CUBN: variants seen among roughly 807,000 people sequenced by gnomAD.
CUBN encodes the protein cubilin.
CUBN carries 282 observed loss-of-function variants against 405.3 expected under a neutral mutation model. That is an observed-to-expected ratio of 0.70 (90% CI 0.63 to 0.77). The LOEUF is 0.77. Ranked by LOEUF, CUBN falls within the 30% of genes least tolerant of loss-of-function variation. The probability of loss-of-function intolerance (pLI) is 0.00; values close to 1 mark genes in which losing one functional copy is unlikely to be tolerated. For missense variants in CUBN, 4,514 were observed against 4,475.2 expected, an observed-to-expected ratio of 1.01 and a Z score of -0.25; for synonymous variants, 1,684 against 1,617.0, an observed-to-expected ratio of 1.04 and a Z score of -0.99.
At chr10:16,973,238 G>A (rs1229145412) in intron 31 of CUBN, among the ~76,000 whole-genome samples, 1 of 151,936 alleles carries the variant, frequency 6.6e-6, no homozygotes, top group Non-Finnish European at 1.5e-5. Context: ...GCCTCCCCTC[G>A]TGGCCTCACT....
intron 41 of CUBN, among the ~76,000 whole-genome samples, chr10:16,927,002 T>A (rs969189253): frequency 6.6e-6 from 1 of 151,950 alleles, no homozygotes; most frequent in African/African-American, 2.4e-5. Context: ...CTTCTGAGTC[T>A]CCAAAGTCCA....
rs1436462922 is a variant in CUBN, at chr10:16,908,994, T to C, written c.7534-1315A>G. On this transcript the variant is annotated intron_variant, in intron 48 of 66. Transcript: ENST00000377833. ...GCTTCCCGGGTTCACGCCATTCTCC[T>C]GCCTCAGCCTCCCGAGTAGCTGGGA... Among the ~76,000 whole-genome samples the C allele has an allele frequency of 2.0e-5, 3 of 150,232 alleles. No homozygotes were observed. The East Asian group carries it at 6.0e-4, about 30-fold the overall frequency.
chr10:16,880,499 G>A lies in CUBN; in HGVS notation c.8906-3402C>T, dbSNP rs114667811. ...TTGTGCAGCAATCAGCAAAAAGAGC[G>A]GGGAAGAGAGAGCATGCTGACAGAT... On this transcript the variant is annotated intron_variant, in intron 56 of 66. Transcript: ENST00000377833. Among the ~76,000 whole-genome samples the A allele has an allele frequency of 5.6e-3, 859 of 152,320 alleles. 11 individuals are homozygous for A. Among genetic ancestry groups the A allele is most frequent in the African/African-American group, 0.02 (822 of 41,562 alleles).
chr10:17,005,001 C>T (rs1226047323), intron 28 of CUBN, among the ~76,000 whole-genome samples: 1 of 152,124 alleles, frequency 6.6e-6, no homozygotes, highest in Non-Finnish European at 1.5e-5. Context: ...TACTCATTTC[C>T]TTTCTCCCTG....
chr10:17,115,666 A>G (rs1836877116), intron 6 of CUBN, 69 bp from the exon 7 acceptor site: 2 of 1,540,568 alleles, frequency 1.3e-6, no homozygotes, highest in South Asian at 2.2e-5. Flanking sequence ...CTTAATATCA[A>G]TGAGAAAAAT....
chr10:16,968,985 T>G (rs1843476832), intron 31 of CUBN, among the ~76,000 whole-genome samples: 2 of 152,242 alleles, frequency 1.3e-5, no homozygotes, highest in Non-Finnish European at 2.9e-5. Context: ...GCTTCCTGAT[T>G]AGCTCCCCTC....
chr10:17,056,733 C>A (rs1835405069), intron 22 of CUBN, among the ~76,000 whole-genome samples: 1 of 152,130 alleles, frequency 6.6e-6, no homozygotes, highest in African/African-American at 2.4e-5. Context: ...TATTGAACTT[C>A]TGTTCTTCAA....
intron 28 of CUBN, among the ~76,000 whole-genome samples, chr10:17,007,363 C>T (rs1358453636): frequency 6.6e-6 from 1 of 152,154 alleles, no homozygotes; most frequent in Non-Finnish European, 1.5e-5. Flanking sequence ...TACTTTGTCT[C>T]ATGTCTGCAT....
intron 50 of CUBN, among the ~76,000 whole-genome samples, chr10:16,905,056 C>T (rs1841518845): frequency 2.0e-5 from 3 of 152,186 alleles, no homozygotes; most frequent in African/African-American, 7.2e-5. Flanking sequence ...TAACATTGAC[C>T]TCTCAGTTTC....
At chr10:17,068,514 T>G (rs1835663687) in intron 20 of CUBN, 91 bp downstream of exon 20, 1 of 1,206,322 alleles carries the variant, frequency 8.3e-7, no homozygotes. Flanking sequence ...TTTTTCACAG[T>G]ACAGATGATT....
At position 16,984,256 on chromosome 10, in the gene CUBN, G is replaced by C. The variant is rs1253294282; in HGVS notation, c.4374C>G (p.His1458Gln). The C allele has an allele frequency of 6.2e-7, 1 of 1,614,026 alleles. No individual in the cohort carries two copies. Among genetic ancestry groups the C allele is most frequent in the Non-Finnish European group, 8.5e-7 (1 of 1,180,016 alleles). The change falls in exon 30 of 67, where the codon CAC becomes CAG. Residue 1458 changes from histidine to glutamine, a missense_variant. By Grantham distance (24) the His-to-Gln change is conservative. Transcript: ENST00000377833. ...VLEIYGGPDF[H>Q]SPRIAQLCTQ... Reference sequence around the variant, plus strand: ...TACACAGTTGGGCTATTCTGGGAGAGTGGAAATCGGGGCCTCCATAGATCT... The same window carrying C: ...TACACAGTTGGGCTATTCTGGGAGACTGGAAATCGGGGCCTCCATAGATCT...
intron 27 of CUBN, among the ~76,000 whole-genome samples, chr10:17,025,404 G>C (rs1834632383): frequency 6.6e-6 from 1 of 152,154 alleles, no homozygotes; most frequent in Non-Finnish European, 1.5e-5. Flanking sequence ...CTAAAATTTA[G>C]AGAACACAAT....
rs117276197 is a variant in CUBN, at chr10:16,947,621, G to A, written c.5210-254C>T. 1.2e-3 allele frequency among the ~76,000 whole-genome samples: 186 copies of A among 152,200 alleles called. 7 individuals carry two copies. In the East Asian group the frequency reaches 0.029, roughly 24 times the overall value. The stretch of plus-strand genomic sequence containing the variant: ...CTCAAAGCCGTTTCTTCCTGTGAAC[G>A]GTAACTTTGAAGAATAAAAGACTTG... On this transcript the variant is annotated intron_variant, in intron 35 of 66. Transcript: ENST00000377833.
intron 35 of CUBN, 108 bp downstream of exon 35, chr10:16,948,370 T>C: frequency 6.9e-7 from 1 of 1,457,448 alleles, no homozygotes; most frequent in East Asian, 2.3e-5. Context: ...CCAGAGGTGA[T>C]CTCAGGAAAC....
At chr10:16,994,367 T>C (rs1833673957) in intron 28 of CUBN, among the ~76,000 whole-genome samples, 1 of 152,224 alleles carries the variant, frequency 6.6e-6, no homozygotes, top group South Asian at 2.1e-4. Flanking sequence ...TCTCCTTCAG[T>C]TTACTAAGAG....
intron 31 of CUBN, among the ~76,000 whole-genome samples, chr10:16,962,373 G>A (rs1259835317): frequency 6.6e-6 from 1 of 151,944 alleles, no homozygotes; most frequent in Non-Finnish European, 1.5e-5. Context: ...AAGGGGTGGG[G>A]TGGGGGTTGT....
chr10:16,890,237 T>G, intron 55 of CUBN, 134 bp downstream of exon 55: 2 of 804,842 alleles, frequency 2.5e-6, no homozygotes, highest in Non-Finnish European at 4.3e-6. Context: ...GGTGTCTTCT[T>G]GGGATTAGGT....
intron 25 of CUBN, among the ~76,000 whole-genome samples, chr10:17,044,723 CATAA>C (rs775622717): frequency 3.1e-4 from 47 of 152,136 alleles, no homozygotes; most frequent in Non-Finnish European, 5.7e-4. Flanking sequence ...TGTGGAAAAA[CATAA>C]ATAATGATTA....
At chr10:16,829,160 C>A (rs2131300284) in intron 65 of CUBN, 120 bp from the exon 66 acceptor site, 2 of 760,692 alleles carry the variant, frequency 2.6e-6, no homozygotes, top group East Asian at 5.3e-5. Context: ...ATAATGGAGG[C>A]AGAAATCCCT....
Sources: allele counts gnomAD v4.1 joint callset (sites outside exome capture counted in the v4.1 genomes callset), GRCh38; gene constraint gnomAD v4.1.1; transcripts MANE v1.5; gene names NCBI Gene and HGNC (gene_info 2026-07-23, HGNC 2026-07-21).